Variants in EPB41L5 observed in about 807,000 individuals in gnomAD.
EPB41L5 encodes band 4.1-like protein 5.
A neutral mutation model predicts 106.6 loss-of-function variants in EPB41L5; 55 were observed. That is an observed-to-expected ratio of 0.52 (90% confidence interval 0.42 to 0.65). The LOEUF (loss-of-function observed/expected upper bound fraction) is 0.65. EPB41L5 is among the 30% of genes least tolerant of loss of function. The pLI is 0.00. For synonymous variants in EPB41L5, 297 were observed against 306.7 expected (o/e 0.97, Z 0.33); for missense variants, 871 against 882.1 (o/e 0.99, Z 0.16).
intron 20 of EPB41L5, among the ~76,000 whole-genome samples, chr2:120,151,265 A>T (rs566325639): frequency 1.2e-3 from 176 of 152,144 alleles, no homozygotes; most frequent in African/African-American, 4.0e-3. Context: ...ACGCCACTGC[A>T]CTCCAGCCTG....
intron 2 of EPB41L5, among the ~76,000 whole-genome samples, chr2:120,028,305 G>A (rs1456283269): frequency 6.6e-6 from 1 of 152,082 alleles, no homozygotes; most frequent in Non-Finnish European, 1.5e-5. Flanking sequence ...AGAGGCCAGG[G>A]TGGGAGGATA....
At chr2:120,138,950 A>G (rs1686054990) in intron 18 of EPB41L5, among the ~76,000 whole-genome samples, 1 of 152,092 alleles carries the variant, frequency 6.6e-6, no homozygotes, top group Admixed American at 6.6e-5. Flanking sequence ...GAGCTATAGT[A>G]ACCAAAACTC....
At chr2:120,049,868 A>C (rs570225801) in intron 3 of EPB41L5, among the ~76,000 whole-genome samples, 2 of 152,160 alleles carry the variant, frequency 1.3e-5, no homozygotes, top group Non-Finnish European at 2.9e-5. Flanking sequence ...CGTGGTGACA[A>C]AATCTCTCAC....
At position 120,151,786 on chromosome 2, in the gene EPB41L5, T is replaced by G. The variant is rs377439813; in HGVS notation, c.1793+5497T>G. 4.7e-4 allele frequency among the ~76,000 whole-genome samples: 71 copies of G among 151,870 alleles called. No homozygotes were observed. The South Asian group carries it at 0.014, about 29-fold the overall frequency. ...CACCTGCCACCATGCCCAGCTAATT[T>G]TTGTATTTTTAGTAGAGATGGGGTT... On this transcript the variant is annotated intron_variant, in intron 20 of 24. Coordinates refer to ENST00000263713, the MANE Select transcript of EPB41L5 (RefSeq NM_020909.4).
chr2:120,114,965 T>G (rs1376163299), intron 16 of EPB41L5, among the ~76,000 whole-genome samples: 2 of 152,244 alleles, frequency 1.3e-5, no homozygotes, highest in Non-Finnish European at 2.9e-5. Flanking sequence ...TGTATGTTTA[T>G]AATTGTAATA....
At chr2:120,067,774 CT>C (rs1265945708) in intron 3 of EPB41L5, among the ~76,000 whole-genome samples, 1 of 151,988 alleles carries the variant, frequency 6.6e-6, no homozygotes, top group South Asian at 2.1e-4. Context: ...ATTGTTTCAC[CT>C]AATTTTTGGT....
chr2:120,133,677 T>C (rs375717016), intron 18 of EPB41L5, among the ~76,000 whole-genome samples: 3 of 152,160 alleles, frequency 2.0e-5, no homozygotes, highest in East Asian at 3.9e-4. Context: ...AAAGATAGTC[T>C]AGGCCACAAG....
At chr2:120,102,260 G>A (rs529020660) in intron 16 of EPB41L5, among the ~76,000 whole-genome samples, 2 of 152,110 alleles carry the variant, frequency 1.3e-5, no homozygotes, top group South Asian at 2.1e-4. Flanking sequence ...GGTACTACTT[G>A]GTTTCTTTGA....
chr2:120,048,550 A>G lies in EPB41L5; in HGVS notation c.285+6440A>G, dbSNP rs897211119. ...TTGCGTCTATTTGATTCTTCTGTCTATTAGTCTTGCTAGCGGTCTGTCAAT... is the reference window on the plus strand; with the variant it reads ...TTGCGTCTATTTGATTCTTCTGTCTGTTAGTCTTGCTAGCGGTCTGTCAAT... On this transcript the variant is annotated intron_variant, in intron 3 of 24. Transcript: ENST00000263713. Among the ~76,000 whole-genome samples the G allele has an allele frequency of 3.3e-5, 5 of 149,352 alleles. No individual in the cohort carries two copies. The East Asian group carries it at 5.9e-4, about 18-fold the overall frequency.
intron 16 of EPB41L5, among the ~76,000 whole-genome samples, chr2:120,103,850 A>G (rs1684290211): frequency 6.6e-6 from 1 of 152,032 alleles, no homozygotes; most frequent in Non-Finnish European, 1.5e-5. Context: ...GTATTTCCAT[A>G]TTGGTATTTT....
intron 3 of EPB41L5, among the ~76,000 whole-genome samples, chr2:120,050,576 TTTTTAG>T: frequency 6.6e-6 from 1 of 152,208 alleles, no homozygotes; most frequent in East Asian, 1.9e-4. Context: ...TTTTTCAAGG[TTTTTAG>T]CTTCTTTGTG....
At chr2:120,071,191 A>G (rs1382707844) in intron 3 of EPB41L5, among the ~76,000 whole-genome samples, 4 of 151,384 alleles carry the variant, frequency 2.6e-5, no homozygotes, top group African/African-American at 7.3e-5. Flanking sequence ...CTATACACCA[A>G]TAACAGAGAG....
At chr2:120,087,290 G>A (rs774245979) in intron 11 of EPB41L5, 50 bp downstream of exon 11, 8 of 1,113,994 alleles carry the variant, frequency 7.2e-6, no homozygotes, top group Admixed American at 4.0e-5. Flanking sequence ...ACTGTATTAT[G>A]TGGTAACTTA....
intron 24 of EPB41L5, among the ~76,000 whole-genome samples, chr2:120,173,322 G>A (rs1687770988): frequency 6.6e-6 from 1 of 152,176 alleles, no homozygotes. Flanking sequence ...ATAGGAGGAA[G>A]TCATTGTATA....
intron 20 of EPB41L5, among the ~76,000 whole-genome samples, chr2:120,147,548 C>T (rs553926693): frequency 6.6e-6 from 1 of 151,002 alleles, no homozygotes; most frequent in African/African-American, 2.4e-5. Context: ...TTGCTTGAAC[C>T]CAGGAGGCAG....
At chr2:120,167,233 A>G (rs534365974) in intron 22 of EPB41L5, among the ~76,000 whole-genome samples, 1 of 152,364 alleles carries the variant, frequency 6.6e-6, no homozygotes, top group Non-Finnish European at 1.5e-5. Context: ...AAATTTTTAG[A>G]TAAGAGATTC....
chr2:120,039,462 A>G (rs557665222), intron 2 of EPB41L5, among the ~76,000 whole-genome samples: 2 of 152,270 alleles, frequency 1.3e-5, no homozygotes, highest in African/African-American at 4.8e-5. Flanking sequence ...AGGAGAAGTG[A>G]GGCTGATGTC....
At chr2:120,020,441 G>A (rs1473446282) in intron 2 of EPB41L5, among the ~76,000 whole-genome samples, 2 of 152,112 alleles carry the variant, frequency 1.3e-5, no homozygotes, top group Admixed American at 1.3e-4. Context: ...CAAAGACTCA[G>A]GATTTCTTGA....
chr2:120,041,279 C>T (rs997634953), intron 2 of EPB41L5, among the ~76,000 whole-genome samples: 4 of 152,144 alleles, frequency 2.6e-5, no homozygotes, highest in African/African-American at 9.7e-5. Context: ...TCCACGTTCA[C>T]TGTGTTGCAA....
Sources: gnomAD v4.1 joint callset for allele counts (sites outside exome capture counted in the v4.1 genomes callset) on GRCh38, gnomAD v4.1.1 for gene constraint, MANE v1.5 for transcripts, NCBI Gene and HGNC (gene_info 2026-07-23, HGNC 2026-07-21) for gene names.